The following ITPRID1 variants were observed in gnomAD, a reference collection of about 807,000 sequenced individuals.
ITPRID1 encodes ITPR interacting domain containing 1, also known as protein ITPRID1.
Under a neutral mutation model 95.4 loss-of-function variants are expected in ITPRID1, and 96 were observed. The ratio of observed to expected loss-of-function variants is 1.01; its 90% CI spans 0.85 to 1.19. ITPRID1 has a LOEUF of 1.19. Ranked by LOEUF, ITPRID1 falls within the 50% of genes most tolerant of loss-of-function variation. The pLI is 0.00. For missense variants in ITPRID1, 1,339 were observed against 1,252.9 expected (o/e 1.07, Z -1.04); for synonymous variants, 510 against 453.6 (o/e 1.12, Z -1.58).
chr7:31,584,626 T>C (rs538937477), intron 10 of ITPRID1, among the ~76,000 whole-genome samples: 2 of 152,328 alleles, frequency 1.3e-5, no homozygotes, highest in Non-Finnish European at 2.9e-5. Context: ...AAGGAGAGCC[T>C]AATGGATAAA....
chr7:31,590,338 T>G (rs1221381162), intron 10 of ITPRID1, among the ~76,000 whole-genome samples: 1 of 152,076 alleles, frequency 6.6e-6, no homozygotes, highest in Non-Finnish European at 1.5e-5. Flanking sequence ...GTGTGAGAAA[T>G]TACTTAAGAA....
rs533000604 is a variant in ITPRID1, at chr7:31,574,863, C to G, written c.598+121C>G. 15 of 828,070 alleles carry G rather than the reference C, an allele frequency of 1.8e-5. No homozygotes were observed. In the South Asian group the frequency reaches 2.5e-4, roughly 14 times the overall value. 51.3% of individuals were successfully genotyped at this position (828,070 alleles called of 1,614,324 possible). A position where few individuals can be genotyped will look rare whatever the true frequency, so the allele number is the denominator to read the frequency against. On this transcript the variant is annotated intron_variant, in intron 8 of 14. Coordinates refer to ENST00000615280, the MANE Select transcript of ITPRID1 (RefSeq NM_001257967.3). ...CAAACCCTCTATTACAGTGACTTCA[C>G]ACACAAAAGATGGATTTCTTGGTCA... is the stretch of plus-strand genomic sequence containing the variant.
At chr7:31,599,647 T>TTC (rs1554290591) in intron 10 of ITPRID1, among the ~76,000 whole-genome samples, 1 of 23,080 alleles carries the variant, frequency 4.3e-5, no homozygotes, top group African/African-American at 1.5e-4. Flanking sequence ...CTTTCTTTCT[T>TTC]TTTCTTTCTT....
chr7:31,576,032 G>A (rs1207824444), intron 8 of ITPRID1, among the ~76,000 whole-genome samples: 1 of 152,094 alleles, frequency 6.6e-6, no homozygotes, highest in East Asian at 1.9e-4. Flanking sequence ...TTTATTTCGG[G>A]AGAATAATGT....
At chr7:31,517,006 C>T (rs1431903431) in intron 1 of ITPRID1, among the ~76,000 whole-genome samples, 1 of 152,206 alleles carries the variant, frequency 6.6e-6, no homozygotes, top group Non-Finnish European at 1.5e-5. Flanking sequence ...AGTGAAACTA[C>T]AGACCTCTAC....
At chr7:31,539,705 G>A (rs1196882467) in intron 1 of ITPRID1, among the ~76,000 whole-genome samples, 1 of 152,274 alleles carries the variant, frequency 6.6e-6, no homozygotes, top group South Asian at 2.1e-4. Context: ...GCTGATTTTG[G>A]TCAGGTGCAC....
At chr7:31,617,610 C>T (rs1787382686) in intron 10 of ITPRID1, among the ~76,000 whole-genome samples, 1 of 150,272 alleles carries the variant, frequency 6.7e-6, no homozygotes, top group African/African-American at 2.5e-5. Flanking sequence ...TCTTTAGAGA[C>T]AACTTTTACC....
chr7:31,623,446 C>G (rs1788119046), intron 10 of ITPRID1, among the ~76,000 whole-genome samples: 1 of 148,938 alleles, frequency 6.7e-6, no homozygotes, highest in Non-Finnish European at 1.5e-5. Flanking sequence ...AAGGCTGGTT[C>G]AATATACGCA....
chr7:31,616,506 G>A (rs1787243992), intron 10 of ITPRID1, among the ~76,000 whole-genome samples: 1 of 152,142 alleles, frequency 6.6e-6, no homozygotes, highest in Non-Finnish European at 1.5e-5. Flanking sequence ...CAGTATGGGG[G>A]TGGGACCCTG....
intron 5 of ITPRID1, among the ~76,000 whole-genome samples, chr7:31,559,694 T>C (rs1315383158): frequency 6.6e-6 from 1 of 152,136 alleles, no homozygotes; most frequent in Admixed American, 6.6e-5. Context: ...ATGTCCATTA[T>C]ACTACATGAC....
intron 5 of ITPRID1, among the ~76,000 whole-genome samples, chr7:31,556,808 C>A (rs1784462253): frequency 1.3e-5 from 2 of 152,152 alleles, no homozygotes; most frequent in South Asian, 4.2e-4. Flanking sequence ...CAAATTATCA[C>A]AAACTTGGTG....
chr7:31,538,242 A>G (rs1385307329), intron 1 of ITPRID1, among the ~76,000 whole-genome samples: 2 of 8,094 alleles, frequency 2.5e-4, no homozygotes, highest in African/African-American at 3.5e-4. Flanking sequence ...CTGTCTCTAC[A>G]CACACACACA....
At chr7:31,533,789 C>T (rs189529218) in intron 1 of ITPRID1, among the ~76,000 whole-genome samples, 48 of 152,138 alleles carry the variant, frequency 3.2e-4, no homozygotes, top group Non-Finnish European at 4.7e-4. Context: ...TTAAGTGTTC[C>T]TAATTTAATG....
chr7:31,578,404 C>A lies in ITPRID1; in HGVS notation c.1140C>A (p.Gly380=). 6.2e-7 allele frequency: 1 copy of A among 1,610,950 alleles called. No homozygotes were observed. Residue 380 remains glycine, a synonymous_variant, in exon 9 of 15, where the codon GGC becomes GGA. Transcript: ENST00000615280. The stretch of plus-strand genomic sequence containing the variant: ...TCAAGAGCTTGTCTCATCTTGCAGG[C>A]AAAGGACCAGACTCATTTGAAATGG... ...NKLKSLSHLA[G]KGPDSFEMEE...
At chr7:31,577,800 C>A in intron 8 of ITPRID1, 63 bp from the exon 9 acceptor site, 1 of 1,375,378 alleles carries the variant, frequency 7.3e-7, no homozygotes, top group Non-Finnish European at 9.8e-7. Flanking sequence ...GTTTTGACTA[C>A]GTTAATATGG....
At chr7:31,536,946 T>G (rs1783776103) in intron 1 of ITPRID1, among the ~76,000 whole-genome samples, 1 of 152,004 alleles carries the variant, frequency 6.6e-6, no homozygotes, top group African/African-American at 2.4e-5. Flanking sequence ...CTTAGAGGAG[T>G]TTCTTTTAGT....
At chr7:31,574,881 C>A in intron 8 of ITPRID1, 139 bp downstream of exon 8, 1 of 746,312 alleles carries the variant, frequency 1.3e-6, no homozygotes. Flanking sequence ...AGATGGATTT[C>A]TTGGTCATCC....
chr7:31,622,566 A>G (rs1788018181), intron 10 of ITPRID1, among the ~76,000 whole-genome samples: 1 of 151,962 alleles, frequency 6.6e-6, no homozygotes, highest in African/African-American at 2.4e-5. Flanking sequence ...CAACGAGAAT[A>G]AAGACACAAC....
At chr7:31,531,605 A>T (rs1783599337) in intron 1 of ITPRID1, among the ~76,000 whole-genome samples, 1 of 152,186 alleles carries the variant, frequency 6.6e-6, no homozygotes, top group Non-Finnish European at 1.5e-5. Context: ...AACCAAAGAA[A>T]TGTATTACTC....
Sources: allele counts gnomAD v4.1 joint callset (sites outside exome capture counted in the v4.1 genomes callset), GRCh38; gene constraint gnomAD v4.1.1; transcripts MANE v1.5; gene names NCBI Gene and HGNC (gene_info 2026-07-23, HGNC 2026-07-21).